The following MAST4 variants were observed in gnomAD, a reference collection of about 807,000 sequenced individuals.
MAST4 encodes microtubule associated serine/threonine kinase family member 4, also known as microtubule-associated serine/threonine-protein kinase 4.
Under a neutral mutation model 162.7 loss-of-function variants are expected in MAST4, and 89 were observed. The ratio of observed to expected loss-of-function variants is 0.55; its 90% CI spans 0.46 to 0.65. The LOEUF is 0.65. Ranked by LOEUF, MAST4 falls within the 30% of genes least tolerant of loss-of-function variation. MAST4 has a pLI of 0.00. For missense variants in MAST4, 3,153 were observed against 3,374.0 expected (o/e 0.93, Z 1.62); for synonymous variants, 1,479 against 1,361.1 (o/e 1.09, Z -1.91).
At chr5:66,925,966 CT>C (rs1764863225) in intron 4 of MAST4, among the ~76,000 whole-genome samples, 3 of 150,256 alleles carry the variant, frequency 2.0e-5, no homozygotes, top group Non-Finnish European at 4.4e-5. Flanking sequence ...GCATTTAAGT[CT>C]TTTATGAGAA....
At chr5:66,919,287 A>G (rs1764324769) in intron 4 of MAST4, among the ~76,000 whole-genome samples, 1 of 152,172 alleles carries the variant, frequency 6.6e-6, no homozygotes, top group African/African-American at 2.4e-5. Flanking sequence ...AGGATAGTCA[A>G]CTTAGAGTTA....
At chr5:67,107,377 C>A (rs186452082) in intron 10 of MAST4, among the ~76,000 whole-genome samples, 1 of 152,210 alleles carries the variant, frequency 6.6e-6, no homozygotes, top group East Asian at 1.9e-4. Flanking sequence ...AAAGAAATTT[C>A]TTTTTTGGCC....
intron 3 of MAST4, 39 bp from the exon 4 acceptor site, chr5:66,899,912 T>C: frequency 6.8e-7 from 1 of 1,479,976 alleles, no homozygotes; most frequent in Admixed American, 2.7e-5. Context: ...CTAAGGTTAA[T>C]GCAGCATTGC....
chr5:66,911,408 ATAAT>A (rs1169118910), intron 4 of MAST4, among the ~76,000 whole-genome samples: 1 of 152,126 alleles, frequency 6.6e-6, no homozygotes, highest in Non-Finnish European at 1.5e-5. Flanking sequence ...GCAAACTCTA[ATAAT>A]AAGTTCAGGC....
intron 5 of MAST4, among the ~76,000 whole-genome samples, chr5:67,080,512 A>G (rs1762474135): frequency 6.6e-6 from 1 of 152,182 alleles, no homozygotes; most frequent in African/African-American, 2.4e-5. Flanking sequence ...CACTAATCAC[A>G]CTTATCAATT....
intron 3 of MAST4, among the ~76,000 whole-genome samples, chr5:66,793,382 C>T (rs1464487258): frequency 2.6e-5 from 4 of 152,190 alleles, no homozygotes; most frequent in Non-Finnish European, 4.4e-5. Context: ...GGGGAAAACT[C>T]ATTTTCCCAT....
At chr5:66,910,643 G>A (rs1763678935) in intron 4 of MAST4, among the ~76,000 whole-genome samples, 1 of 151,384 alleles carries the variant, frequency 6.6e-6, no homozygotes, top group Non-Finnish European at 1.5e-5. Context: ...GGTTTTCAGG[G>A]TTTCTTTCTC....
chr5:66,892,113 T>G (rs1653739999), intron 3 of MAST4, among the ~76,000 whole-genome samples: 1 of 152,268 alleles, frequency 6.6e-6, no homozygotes, highest in Admixed American at 6.5e-5. Context: ...TGCATCATTT[T>G]GCATTTGCTC....
chr5:66,596,885 C>A lies in MAST4; in HGVS notation c.230C>A (p.Ala77Glu). The change falls in exon 1 of 29, where the codon GCG becomes GAG. Residue 77 changes from alanine (A) to glutamate (E), a missense_variant. This residue lies in a region of MAST4 where 327 missense variants were observed against 336.5 expected (regional missense o/e 0.97). Transcript: ENST00000403625. ...PPLGGTLGARAPAAWAPASVL... is the reference protein window; with the variant it reads ...PPLGGTLGAREPAAWAPASVL... ...TTGGGAGGCACCCTGGGCGCCCGGG[C>A]GCCCGCCGCGTGGGCTCCGGCAAGC... is the stretch of plus-strand genomic sequence containing the variant. 7.7e-7 allele frequency: 1 copy of A among 1,292,886 alleles called. No individual in the cohort carries two copies. 80.1% of individuals were successfully genotyped at this position (1,292,886 alleles called of 1,614,324 possible). A position where few individuals can be genotyped will look rare whatever the true frequency, so the allele number is the denominator to read the frequency against.
chr5:67,150,305 G>T (rs1385616019), intron 24 of MAST4, among the ~76,000 whole-genome samples: 1 of 152,216 alleles, frequency 6.6e-6, no homozygotes, highest in Non-Finnish European at 1.5e-5. Flanking sequence ...ATGACAGCAA[G>T]AGAGTAGAAT....
intron 4 of MAST4, among the ~76,000 whole-genome samples, chr5:66,907,015 G>A (rs1763395930): frequency 6.6e-6 from 1 of 152,220 alleles, no homozygotes; most frequent in African/African-American, 2.4e-5. Flanking sequence ...TATAGTAGAT[G>A]TATTTGTTGG....
At chr5:66,687,549 T>C (rs907625852) in intron 1 of MAST4, among the ~76,000 whole-genome samples, 2 of 151,804 alleles carry the variant, frequency 1.3e-5, no homozygotes, top group African/African-American at 4.8e-5. Flanking sequence ...TATGTATACA[T>C]ATATACACAT....
chr5:66,838,918 G>A (rs972417030), intron 3 of MAST4, among the ~76,000 whole-genome samples: 1 of 152,136 alleles, frequency 6.6e-6, no homozygotes, highest in Admixed American at 6.5e-5. Flanking sequence ...ACTGTAATCA[G>A]GGCATAGAAA....
chr5:66,759,593 T>G, intron 1 of MAST4, 116 bp from the exon 2 acceptor site: 1 of 1,307,352 alleles, frequency 7.6e-7, no homozygotes, highest in East Asian at 2.4e-5. Context: ...AACACAGTGT[T>G]GGGAGAATGG....
chr5:66,908,871 T>C (rs567373152), intron 4 of MAST4, among the ~76,000 whole-genome samples: 1 of 152,230 alleles, frequency 6.6e-6, no homozygotes, highest in Non-Finnish European at 1.5e-5. Context: ...TTAACCTCTA[T>C]GTGCCTTAGT....
intron 26 of MAST4, among the ~76,000 whole-genome samples, chr5:67,155,806 A>T (rs938573486): frequency 3.3e-5 from 5 of 152,180 alleles, no homozygotes; most frequent in Admixed American, 6.5e-5. Context: ...TCATACCCGT[A>T]ATCCCAGCAC....
rs752410218 is a variant in MAST4 at position 67,090,269 on chromosome 5, A to G, written c.833+38A>G. 8.6e-6 allele frequency: 13 copies of G among 1,520,298 alleles called. No homozygotes were observed. The South Asian group carries it at 1.4e-4, about 16-fold the overall frequency. 94.2% of individuals were successfully genotyped at this position (1,520,298 alleles called of 1,614,324 possible). A position where few individuals can be genotyped will look rare whatever the true frequency, so the allele number is the denominator to read the frequency against. On this transcript the variant is annotated intron_variant, in intron 6 of 28. Coordinates refer to ENST00000403625, the MANE Select transcript of MAST4 (RefSeq NM_001164664.2). The stretch of plus-strand genomic sequence containing the variant: ...TGTGAGTGGAGGCATAAGGTCTTAT[A>G]GAGAGAATCCCATTTTCCTCTCCCT...
chr5:67,114,272 A>G lies in MAST4; in HGVS notation c.1591+53A>G, dbSNP rs16896283. ...GACTTTGCTTATGCACTGTCGCCTC[A>G]TAGAAGAAATCTAAGTGGCAAGTCT... is the stretch of plus-strand genomic sequence containing the variant. On this transcript the variant is annotated intron_variant, in intron 12 of 28. Coordinates refer to ENST00000403625, the MANE Select transcript of MAST4 (RefSeq NM_001164664.2). 3.4e-3 allele frequency: 5,329 copies of G among 1,563,560 alleles called. 178 individuals carry two copies. The East Asian group carries it at 0.077, about 23-fold the overall frequency.
intron 1 of MAST4, among the ~76,000 whole-genome samples, chr5:66,651,421 A>T (rs1197592362): frequency 6.6e-6 from 1 of 151,856 alleles, no homozygotes; most frequent in Non-Finnish European, 1.5e-5. Flanking sequence ...CCATGTGTTA[A>T]CTTTGTGTGT....
Sources: gnomAD v4.1 joint callset for allele counts (sites outside exome capture counted in the v4.1 genomes callset) on GRCh38, gnomAD v4.1.1 for gene constraint, gnomAD v4.1.1 regional missense constraint, MANE v1.5 for transcripts, NCBI Gene and HGNC (gene_info 2026-07-23, HGNC 2026-07-21) for gene names.